KCNJ15: variants seen among roughly 807,000 people sequenced by gnomAD.
The protein encoded by KCNJ15 is potassium inwardly rectifying channel subfamily J member 15, also known as ATP-sensitive inward rectifier potassium channel 15.
In KCNJ15, 14 loss-of-function variants were observed where a neutral mutation model predicts 23.0. The ratio of observed to expected loss-of-function variants is 0.61; its 90% confidence interval spans 0.40 to 0.95. The LOEUF (loss-of-function observed/expected upper bound fraction) is 0.95. Ranked by LOEUF, KCNJ15 falls within the 40% of genes least tolerant of loss-of-function variation. The pLI, the probability that KCNJ15 is intolerant of heterozygous loss-of-function variation, is 0.00. For synonymous variants in KCNJ15, 185 were observed against 183.2 expected, an observed-to-expected ratio of 1.01 and a Z score of -0.08; for missense variants, 388 against 461.8, an observed-to-expected ratio of 0.84 and a Z score of 1.46.
At chr21:38,274,191 A>G (rs1263533815) in intron 1 of KCNJ15, among the ~76,000 whole-genome samples, 2 of 152,228 alleles carry the variant, frequency 1.3e-5, no homozygotes, top group Non-Finnish European at 2.9e-5. Flanking sequence ...AAAGACGTGA[A>G]CTAGTGTTCA....
At chr21:38,285,206 G>A (rs1224576176) in intron 1 of KCNJ15, among the ~76,000 whole-genome samples, 1 of 152,172 alleles carries the variant, frequency 6.6e-6, no homozygotes, top group Non-Finnish European at 1.5e-5. Context: ...ACCCTCTGCT[G>A]TTCATCCGTG....
rs1256420787 is a variant in KCNJ15 at position 38,257,184 on chromosome 21, AG to A, written c.-117+1del. 6.6e-6 allele frequency: 1 copy of A among 152,292 alleles called. No individual in the cohort carries two copies. The highest frequency in any genetic ancestry group is 2.4e-5 in the African/African-American group (1 of 41,448). The allele number at this position is 152,292 out of a possible 1,614,324, so 9.4% of individuals were successfully genotyped here. The stretch of plus-strand genomic sequence containing the variant: ...GGAGTCTGCACTCTTCAGTCTTTGC[AG>A]GTAAGAGGTACACGGCGCTTATGTT... On this transcript the variant is annotated splice_region_variant and 5_prime_UTR_variant, in exon 1 of 3. Transcript: ENST00000398938.
intron 1 of KCNJ15, among the ~76,000 whole-genome samples, chr21:38,239,438 C>G (rs1190531689): frequency 6.6e-6 from 1 of 152,226 alleles, no homozygotes. Flanking sequence ...CACATGCGTT[C>G]TGCGAAGCCT....
intron 1 of KCNJ15, among the ~76,000 whole-genome samples, chr21:38,265,177 A>C (rs1019033817): frequency 5.9e-5 from 9 of 152,198 alleles, no homozygotes; most frequent in African/African-American, 2.2e-4. Context: ...TTGGCTCTGA[A>C]TGTGTTTTAA....
chr21:38,265,732 T>C (rs1163007683), intron 1 of KCNJ15, among the ~76,000 whole-genome samples: 3 of 152,112 alleles, frequency 2.0e-5, no homozygotes, highest in South Asian at 2.1e-4. Context: ...TAGGAAGACA[T>C]GGAGGTAGAG....
In KCNJ15 at chr21:38,292,838, G is replaced by A. The variant is rs147026934; in HGVS notation, c.-116-4088G>A. On this transcript the variant is annotated intron_variant, in intron 1 of 2. Coordinates refer to ENST00000398938, the MANE Select transcript of KCNJ15 (RefSeq NM_170736.3). ...ACAAAAATTAGCCAGGCGTAATGGC[G>A]GGTGCCTGTAATCCCAGCTGCTTGG... Among the ~76,000 whole-genome samples, 489 of 151,928 alleles carry A rather than the reference G, an allele frequency of 3.2e-3. 7 individuals carry two copies. The highest frequency in any genetic ancestry group is 0.011 in the African/African-American group (463 of 41,460).
chr21:38,246,131 C>T (rs1447957347), intron 1 of KCNJ15, among the ~76,000 whole-genome samples: 2 of 152,188 alleles, frequency 1.3e-5, no homozygotes, highest in Non-Finnish European at 2.9e-5. Flanking sequence ...AGACATAAGG[C>T]ATTTAAATCT....
chr21:38,296,667 GT>G (rs1295830990), intron 1 of KCNJ15: 1 of 152,486 alleles, frequency 6.6e-6, no homozygotes, highest in Non-Finnish European at 1.5e-5. Flanking sequence ...ATGAGGGTGG[GT>G]TAACCCTCTC....
intron 1 of KCNJ15, among the ~76,000 whole-genome samples, chr21:38,236,243 C>A (rs1324211029): frequency 6.6e-6 from 1 of 152,172 alleles, no homozygotes; most frequent in East Asian, 1.9e-4. Flanking sequence ...ACATGATTTT[C>A]TTCACCGTCA....
intron 2 of KCNJ15, among the ~76,000 whole-genome samples, chr21:38,297,230 C>T (rs1569018492): frequency 6.6e-6 from 1 of 152,128 alleles, no homozygotes; most frequent in Admixed American, 6.5e-5. Context: ...TTAACTCCAG[C>T]ACTATATACA....
At position 38,300,489 on chromosome 21, in the gene KCNJ15, A is replaced by G. The variant is rs1985683634; in HGVS notation, c.*100A>G. 5 of 925,390 alleles carry G rather than the reference A, an allele frequency of 5.4e-6. No individual in the cohort carries two copies. The East Asian group carries it at 1.3e-4, about 23-fold the overall frequency. The allele number at this position is 925,390 out of a possible 1,614,324, so 57.3% of individuals were successfully genotyped here. On this transcript the variant is annotated 3_prime_UTR_variant, in exon 3 of 3. Transcript: ENST00000398938. ...TGTGAAAACGAAAATGTGTAGACGC[A>G]CTCTCAAAAACTGCACGGACATACA...
At position 38,299,553 on chromosome 21, in the gene KCNJ15, G is replaced by T. The variant is rs140719548; in HGVS notation, c.292G>T (p.Gly98Cys). The stretch of plus-strand genomic sequence containing the variant: ...GTTTATTCATGGGGACTTAGAACCC[G>T]GTGAGCCCATTTCAAATCATACCCC... ...IAFIHGDLEPGEPISNHTPCI... is the reference protein window; with the variant it reads ...IAFIHGDLEPCEPISNHTPCI... The change falls in exon 3 of 3, where the codon GGT becomes TGT. Residue 98 changes from glycine to cysteine, a missense_variant. Transcript: ENST00000398938. The surrounding 1 kb of genome is among the most constrained non-coding windows in gnomAD (Gnocchi z 4.5). 4.4e-4 allele frequency: 714 copies of T among 1,614,106 alleles called. 3 individuals are homozygous for T. Among genetic ancestry groups the T allele is most frequent in the Admixed American group, 1.2e-3 (70 of 60,012 alleles).
At chr21:38,282,146 T>C (rs1450039881) in intron 1 of KCNJ15, among the ~76,000 whole-genome samples, 1 of 152,166 alleles carries the variant, frequency 6.6e-6, no homozygotes, top group Non-Finnish European at 1.5e-5. Context: ...TTTATTCAAG[T>C]TCACCATGGA....
In KCNJ15 at chr21:38,265,899, T is replaced by G. The variant is rs115779753; in HGVS notation, c.-117+8714T>G. On this transcript the variant is annotated intron_variant, in intron 1 of 2. Coordinates refer to ENST00000398938, the MANE Select transcript of KCNJ15 (RefSeq NM_170736.3). The stretch of plus-strand genomic sequence containing the variant: ...TGACTGTAAGAGGCACTGGGACATT[T>G]GAGATGTGCCTTGCAGAACAAGACG... 4.3e-3 allele frequency among the ~76,000 whole-genome samples: 658 copies of G among 152,212 alleles called. 4 individuals are homozygous for G. Among genetic ancestry groups the G allele is most frequent in the African/African-American group, 0.015 (616 of 41,528 alleles).
At chr21:38,285,337 G>T (rs1983775177) in intron 1 of KCNJ15, among the ~76,000 whole-genome samples, 1 of 152,112 alleles carries the variant, frequency 6.6e-6, no homozygotes, top group South Asian at 2.1e-4. Context: ...ATACGAGCAG[G>T]CAGAGTTTTA....
intron 1 of KCNJ15, among the ~76,000 whole-genome samples, chr21:38,286,730 C>T (rs955172430): frequency 2.0e-5 from 3 of 152,066 alleles, no homozygotes; most frequent in Admixed American, 6.5e-5. Flanking sequence ...AGATTTAATC[C>T]CAGGGCTATG....
At chr21:38,288,491 G>C (rs1336132048) in intron 1 of KCNJ15, among the ~76,000 whole-genome samples, 1 of 152,154 alleles carries the variant, frequency 6.6e-6, no homozygotes, top group Non-Finnish European at 1.5e-5. Flanking sequence ...TCAATTTGTA[G>C]AGACTGACAA....
intron 1 of KCNJ15, among the ~76,000 whole-genome samples, chr21:38,263,594 C>T (rs1386174215): frequency 6.6e-6 from 1 of 152,224 alleles, no homozygotes; most frequent in Non-Finnish European, 1.5e-5. Flanking sequence ...CACCTCCTCC[C>T]TGACCACAAC....
intron 1 of KCNJ15, among the ~76,000 whole-genome samples, chr21:38,269,918 T>C (rs1329312085): frequency 2.0e-5 from 3 of 152,106 alleles, no homozygotes; most frequent in Admixed American, 1.3e-4. Flanking sequence ...ACTTGTATCA[T>C]GCAGGAACCC....
Sources: allele counts gnomAD v4.1 joint callset (sites outside exome capture counted in the v4.1 genomes callset), GRCh38; gene constraint gnomAD v4.1.1; non-coding constraint Gnocchi (gnomAD v3.1); transcripts MANE v1.5; gene names NCBI Gene and HGNC (gene_info 2026-07-23, HGNC 2026-07-21).